The following PABPC4L variants were observed in gnomAD, a reference collection of about 807,000 sequenced individuals.
PABPC4L encodes polyadenylate-binding protein 4-like.
For synonymous variants in PABPC4L, 169 were observed against 164.1 expected (o/e 1.03, Z -0.23); for missense variants, 452 against 451.4 (o/e 1.00, Z -0.01).
At chr4:134,093,975 T>A in the PABPC4L span, among the ~76,000 whole-genome samples, 1 of 151,770 alleles carries the variant, frequency 6.6e-6, no homozygotes, top group African/African-American at 2.4e-5. Flanking sequence ...CTTGCTGCCA[T>A]AGCCCAGGGA....
At chr4:134,133,128 T>C in the PABPC4L span, among the ~76,000 whole-genome samples, 14 of 124,932 alleles carry the variant, frequency 1.1e-4, no homozygotes, top group Non-Finnish European at 3.1e-5. Flanking sequence ...TAATATATCA[T>C]ATTACATATA....
the PABPC4L span, among the ~76,000 whole-genome samples, chr4:134,040,387 C>A: frequency 1.3e-5 from 2 of 151,894 alleles, no homozygotes; most frequent in Admixed American, 6.6e-5. Flanking sequence ...AGATATAGAC[C>A]AATGGAACAG....
At chr4:133,977,346 T>C in the PABPC4L span, among the ~76,000 whole-genome samples, 3 of 152,156 alleles carry the variant, frequency 2.0e-5, no homozygotes, top group Non-Finnish European at 4.4e-5. Context: ...TCAGGCAATA[T>C]AATGCCTTCA....
the PABPC4L span, among the ~76,000 whole-genome samples, chr4:133,958,045 G>T: frequency 6.6e-6 from 1 of 152,150 alleles, no homozygotes. Context: ...CTAATATTTG[G>T]CTCCTCATTA....
chr4:134,105,755 A>G, the PABPC4L span, among the ~76,000 whole-genome samples: 1 of 151,672 alleles, frequency 6.6e-6, no homozygotes, highest in Non-Finnish European at 1.5e-5. Context: ...AATCAAAACT[A>G]GAAAGGTGGC....
chr4:133,982,682 C>T, the PABPC4L span, among the ~76,000 whole-genome samples: 2 of 151,922 alleles, frequency 1.3e-5, no homozygotes, highest in Admixed American at 1.3e-4. Flanking sequence ...TTCTTTATTT[C>T]CCCTCATCAA....
chr4:134,135,066 G>T, the PABPC4L span, among the ~76,000 whole-genome samples: 1 of 152,022 alleles, frequency 6.6e-6, no homozygotes, highest in Non-Finnish European at 1.5e-5. Flanking sequence ...ACAATAAAAT[G>T]TTTGCAAAAA....
At chr4:134,018,471 T>C in the PABPC4L span, among the ~76,000 whole-genome samples, 2 of 152,172 alleles carry the variant, frequency 1.3e-5, no homozygotes, top group Non-Finnish European at 1.5e-5. Context: ...GTAATAAGCA[T>C]AGTACCCAAC....
At chr4:134,061,529 TAA>T in the PABPC4L span, among the ~76,000 whole-genome samples, 5 of 151,232 alleles carry the variant, frequency 3.3e-5, 1 homozygote, top group South Asian at 1.0e-3. Flanking sequence ...CTGAGAAGAA[TAA>T]AGAGGGGAAA....
At chr4:134,176,036 T>C in the PABPC4L span, among the ~76,000 whole-genome samples, 1 of 152,126 alleles carries the variant, frequency 6.6e-6, no homozygotes, top group Non-Finnish European at 1.5e-5. Context: ...AAAGAAACTA[T>C]ACATAATGAA....
chr4:134,109,802 C>A, the PABPC4L span, among the ~76,000 whole-genome samples: 17,138 of 151,302 alleles, frequency 0.11, 1,427 homozygotes, highest in Non-Finnish European at 0.18. Context: ...CTGGCAATGG[C>A]ATGGTCTCAG....
At chr4:133,979,020 T>G in the PABPC4L span, 1 of 152,134 alleles carries the variant, frequency 6.6e-6, no homozygotes, top group Non-Finnish European at 1.5e-5. Context: ...ACCTAGAGAT[T>G]GATGCTTTCA....
the PABPC4L span, among the ~76,000 whole-genome samples, chr4:134,082,600 T>TA: frequency 6.6e-6 from 1 of 152,108 alleles, no homozygotes; most frequent in Non-Finnish European, 1.5e-5. Flanking sequence ...TGTGTAAATA[T>TA]AAAAACTAAG....
the PABPC4L span, among the ~76,000 whole-genome samples, chr4:134,145,494 C>T: frequency 9.9e-5 from 15 of 151,810 alleles, no homozygotes; most frequent in Non-Finnish European, 1.8e-4. Context: ...TTTTTCTGTC[C>T]ATATACAGTC....
At chr4:134,180,679 C>G in the PABPC4L span, among the ~76,000 whole-genome samples, 10 of 151,046 alleles carry the variant, frequency 6.6e-5, no homozygotes, top group African/African-American at 2.4e-4. Context: ...TAAATACAAG[C>G]AGAAAAGACA....
chr4:134,115,302 A>G, the PABPC4L span, among the ~76,000 whole-genome samples: 9 of 151,802 alleles, frequency 5.9e-5, no homozygotes, highest in Admixed American at 2.0e-4. Flanking sequence ...TGTCCTCATT[A>G]AGCTTATAGT....
At chr4:134,007,162 C>T in the PABPC4L span, among the ~76,000 whole-genome samples, 10 of 151,748 alleles carry the variant, frequency 6.6e-5, no homozygotes, top group Non-Finnish European at 1.2e-4. Context: ...TATATGGAAT[C>T]GAGGAAAGAC....
chr4:133,984,077 T>C, the PABPC4L span, among the ~76,000 whole-genome samples: 1 of 151,840 alleles, frequency 6.6e-6, no homozygotes, highest in Non-Finnish European at 1.5e-5. Context: ...TCATATTGTA[T>C]TAAAAATATG....
chr4:134,015,026 C>T, the PABPC4L span, among the ~76,000 whole-genome samples: 2 of 152,042 alleles, frequency 1.3e-5, no homozygotes, highest in Admixed American at 6.5e-5. Flanking sequence ...GCCTCCTTTG[C>T]ATCCTCCTCT....
Sources: allele counts gnomAD v4.1 joint callset (sites outside exome capture counted in the v4.1 genomes callset), GRCh38; gene constraint gnomAD v4.1.1; transcripts MANE v1.5; gene names NCBI Gene and HGNC (gene_info 2026-07-23, HGNC 2026-07-21).